ABHD5: variants seen among roughly 807,000 people sequenced by gnomAD.
ABHD5 encodes the protein 1-acylglycerol-3-phosphate O-acyltransferase ABHD5.
Under a neutral mutation model 44.9 loss-of-function variants are expected in ABHD5, and 30 were observed. That is an observed-to-expected ratio of 0.67 (90% confidence interval 0.50 to 0.91). ABHD5 has a LOEUF of 0.91. Among genes scored for constraint, ABHD5 ranks in the 40% least tolerant of loss-of-function variants. The pLI is 0.00. For synonymous variants in ABHD5, 167 were observed against 147.0 expected, an observed-to-expected ratio of 1.14 and a Z score of -0.99; for missense variants, 399 against 423.4, an observed-to-expected ratio of 0.94 and a Z score of 0.50.
chr3:43,714,756 C>A (rs2084738799), intron 4 of ABHD5, among the ~76,000 whole-genome samples, 191 bp from the exon 5 acceptor site: 1 of 151,978 alleles, frequency 6.6e-6, no homozygotes, highest in South Asian at 2.1e-4. Flanking sequence ...TTAATATTTC[C>A]TTGGGGAACT....
upstream of ABHD5, chr3:43,690,914 T>C (rs2084357395): frequency 1.4e-6 from 2 of 1,465,452 alleles, no homozygotes; most frequent in Non-Finnish European, 1.8e-6. Flanking sequence ...CCGCCTTAAG[T>C]GCCGCGCCAG....
At chr3:43,731,216 A>G (rs1014652254) in intron 7 of ABHD5, among the ~76,000 whole-genome samples, 16 of 152,306 alleles carry the variant, frequency 1.1e-4, no homozygotes, top group African/African-American at 3.9e-4. Context: ...GATATCACCT[A>G]GTATAATTTC....
chr3:43,699,205 G>A (rs2149593935), intron 1 of ABHD5, 71 bp from the exon 2 acceptor site: 2 of 1,327,842 alleles, frequency 1.5e-6, no homozygotes, highest in East Asian at 4.6e-5. Context: ...CCTTTCTTCT[G>A]TGCATGTGAC....
At chr3:43,714,004 G>A (rs775488266) in intron 4 of ABHD5, among the ~76,000 whole-genome samples, 10 of 152,112 alleles carry the variant, frequency 6.6e-5, no homozygotes, top group Non-Finnish European at 1.3e-4. Context: ...TAGCAGAAAG[G>A]GAGACCAGTC....
In ABHD5 at chr3:43,699,334, A is replaced by C. The variant is rs1175039778; in HGVS notation, c.106A>C (p.Lys36Gln). 4 of 1,613,830 alleles carry C rather than the reference A, an allele frequency of 2.5e-6. No individual in the cohort carries two copies. The East Asian group carries it at 8.9e-5, about 36-fold the overall frequency. Residue 36 changes from lysine to glutamine, a missense_variant, in exon 2 of 7, where the codon AAA becomes CAA. By Grantham distance (53) the Lys-to-Gln change is moderately conservative. Transcript: ENST00000644371. Reference sequence around the variant, plus strand: ...GTGCCCTACGTCTATATCACACCTTAAAGAAGCTGAAGAGAAGATGTTAAA... The same window carrying C: ...GTGCCCTACGTCTATATCACACCTTCAAGAAGCTGAAGAGAAGATGTTAAA... Reference protein sequence around the residue: ...TWCPTSISHLKEAEEKMLKCV... With the variant: ...TWCPTSISHLQEAEEKMLKCV...
downstream of ABHD5, among the ~76,000 whole-genome samples, chr3:43,725,517 TA>T (rs981289081): frequency 5.9e-5 from 9 of 152,366 alleles, no homozygotes; most frequent in Admixed American, 5.9e-4. Context: ...TTTTAATCCT[TA>T]AAAAATGTTC....
intron 3 of ABHD5, among the ~76,000 whole-genome samples, chr3:43,708,447 G>A (rs557025393): frequency 6.6e-6 from 1 of 152,338 alleles, no homozygotes; most frequent in African/African-American, 2.4e-5. Context: ...GAGGTTAGAA[G>A]ATAGCCTGGG....
chr3:43,718,592 A>G lies in ABHD5; in HGVS notation c.*60A>G, dbSNP rs774086847. On this transcript the variant is annotated 3_prime_UTR_variant, in exon 7 of 7. Coordinates refer to ENST00000644371, the MANE Select transcript of ABHD5 (RefSeq NM_016006.6). ...TGATATAGTTGTTCAGCAATAATTC[A>G]TAGTCTGTGATGAAGAGTAGTGAAT... 13 of 1,488,822 alleles carry G rather than the reference A, an allele frequency of 8.7e-6. No individual in the cohort carries two copies. The highest frequency in any genetic ancestry group is 1.4e-5 in the African/African-American group (1 of 72,414). The allele number at this position is 1,488,822 out of a possible 1,614,324, so 92.2% of individuals were successfully genotyped here.
At chr3:43,691,250 C>G (rs986986788) in intron 1 of ABHD5, 1 of 420,054 alleles carries the variant, frequency 2.4e-6, no homozygotes, top group Middle Eastern at 6.4e-4. Context: ...CGTCGGGGCC[C>G]CGAGGTGTCT....
chr3:43,701,958 A>G (rs550819592), intron 2 of ABHD5: 125 of 410,646 alleles, frequency 3.0e-4, no homozygotes, highest in African/African-American at 2.1e-3. Context: ...GTTAGAAGGT[A>G]ATATGACTTG....
At chr3:43,700,740 A>ATTTTTTTTTTTTTTTTTTT (rs1361660825) in intron 2 of ABHD5, among the ~76,000 whole-genome samples, 23 of 151,218 alleles carry the variant, frequency 1.5e-4, no homozygotes, top group South Asian at 1.3e-3. Flanking sequence ...TACCCAGCTA[A>ATTTTTTTTTTTTTTTTTTT]TTTTTGTATT....
rs1423030155 is a variant in ABHD5 at position 43,699,376 on chromosome 3, TTG to T, written c.133+17_133+18del. On this transcript the variant is annotated intron_variant, in intron 2 of 6. Transcript: ENST00000644371. ...GATGTTAAAATGTAAGGCTTTCTTC[TTG>T]TAAGTTAAATGAGCTGTGTACTAAG... 1.2e-6 allele frequency: 2 copies of T among 1,600,784 alleles called. No individual in the cohort carries two copies. Among genetic ancestry groups the T allele is most frequent in the East Asian group, 2.2e-5 (1 of 44,792 alleles).
intron 1 of ABHD5, among the ~76,000 whole-genome samples, chr3:43,693,748 CTCT>C (rs1220873171): frequency 3.4e-5 from 3 of 87,818 alleles, no homozygotes; most frequent in East Asian, 4.5e-4. Context: ...TTAGTTTCTC[CTCT>C]TTTTTTTTTT....
chr3:43,705,600 C>T (rs1316047320), intron 3 of ABHD5, among the ~76,000 whole-genome samples: 1 of 152,016 alleles, frequency 6.6e-6, no homozygotes, highest in Non-Finnish European at 1.5e-5. Flanking sequence ...TTACTTTTTC[C>T]CTGTTCTAAT....
At chr3:43,711,196 T>C (rs2084684790) in intron 3 of ABHD5, among the ~76,000 whole-genome samples, 1 of 152,234 alleles carries the variant, frequency 6.6e-6, no homozygotes, top group Admixed American at 6.5e-5. Context: ...TTAAAGTACT[T>C]TTGAACCCGC....
intron 4 of ABHD5, 117 bp downstream of exon 4, chr3:43,711,980 C>A (rs1346997232): frequency 3.0e-6 from 4 of 1,322,434 alleles, no homozygotes; most frequent in Non-Finnish European, 3.3e-6. Flanking sequence ...CTTACTTTTT[C>A]TCCTCTTCCT....
intron 7 of ABHD5, among the ~76,000 whole-genome samples, chr3:43,728,154 C>T (rs1480632919): frequency 2.6e-5 from 4 of 152,172 alleles, no homozygotes; most frequent in African/African-American, 7.2e-5. Flanking sequence ...ATTGAATTCA[C>T]ATTTATGGTT....
intron 3 of ABHD5, among the ~76,000 whole-genome samples, chr3:43,706,532 A>G (rs930971104): frequency 6.6e-6 from 1 of 151,722 alleles, no homozygotes; most frequent in Non-Finnish European, 1.5e-5. Flanking sequence ...CAGTGGCGCA[A>G]TCATAGCTCA....
rs1441540951 is a variant in ABHD5 at position 43,722,315 on chromosome 3, A to G, written c.*3783A>G. On this transcript the variant is annotated 3_prime_UTR_variant, in exon 7 of 7. Transcript: ENST00000644371. ...GAAATCTCCAGAATATAGGAAATGA[A>G]AAATGTAAAGCACAGAAGAGAATGT... The G allele has an allele frequency of 6.6e-6, 1 of 152,242 alleles. No individual in the cohort carries two copies. The highest frequency in any genetic ancestry group is 1.5e-5 in the Non-Finnish European group (1 of 68,048). The allele number at this position is 152,242 out of a possible 1,614,324, so 9.4% of individuals were successfully genotyped here.
Sources: allele counts gnomAD v4.1 joint callset (sites outside exome capture counted in the v4.1 genomes callset), GRCh38; gene constraint gnomAD v4.1.1; transcripts MANE v1.5; gene names NCBI Gene and HGNC (gene_info 2026-07-23, HGNC 2026-07-21).